ZFAND3: variants seen among roughly 807,000 people sequenced by gnomAD.
ZFAND3 encodes the protein AN1-type zinc finger protein 3.
A neutral mutation model predicts 29.6 loss-of-function variants in ZFAND3; 10 were observed. That is an observed-to-expected ratio of 0.34 (90% confidence interval 0.21 to 0.57). ZFAND3 has a LOEUF of 0.57. Among genes scored for constraint, ZFAND3 ranks in the 20% least tolerant of loss-of-function variants. The probability of loss-of-function intolerance (pLI) is 0.86; values close to 1 mark genes in which losing one functional copy is unlikely to be tolerated. For missense variants in ZFAND3, 230 were observed against 304.5 expected (o/e 0.76, Z 1.82); for synonymous variants, 128 against 112.6 (o/e 1.14, Z -0.87).
At chr6:37,829,791 G>T (rs149431331) in intron 1 of ZFAND3, among the ~76,000 whole-genome samples, 60 of 152,298 alleles carry the variant, frequency 3.9e-4, no homozygotes, top group African/African-American at 1.4e-3. Context: ...TAAGGCTGAT[G>T]ATCTTCTTCA....
At chr6:37,921,895 A>AC (rs1361353284) in intron 1 of ZFAND3, among the ~76,000 whole-genome samples, 1 of 150,952 alleles carries the variant, frequency 6.6e-6, no homozygotes, top group Non-Finnish European at 1.5e-5. Context: ...AAAAAAAAAA[A>AC]AAACAAACCC....
intron 2 of ZFAND3, among the ~76,000 whole-genome samples, chr6:37,940,531 A>C (rs1398915624): frequency 2.0e-5 from 3 of 152,236 alleles, no homozygotes; most frequent in African/African-American, 7.2e-5. Context: ...CTGTATGTTA[A>C]CAGTCTTAAC....
chr6:37,825,822 C>T (rs1296496890), intron 1 of ZFAND3, among the ~76,000 whole-genome samples: 1 of 152,024 alleles, frequency 6.6e-6, no homozygotes. Context: ...GAATAAAGTC[C>T]TTAAAAAGAA....
chr6:38,062,843 T>G (rs181786968), intron 3 of ZFAND3, among the ~76,000 whole-genome samples: 14 of 152,250 alleles, frequency 9.2e-5, no homozygotes, highest in Admixed American at 2.6e-4. Context: ...TTAAAAGCTC[T>G]ACTTGGCCAA....
chr6:37,970,900 G>A (rs774171697), intron 2 of ZFAND3, among the ~76,000 whole-genome samples: 6 of 150,760 alleles, frequency 4.0e-5, no homozygotes, highest in Admixed American at 6.6e-5. Flanking sequence ...GCGAGACTCC[G>A]TCTCAAAACA....
intron 2 of ZFAND3, among the ~76,000 whole-genome samples, chr6:38,048,726 T>G (rs72852536): frequency 0.066 from 9,963 of 151,958 alleles, 409 homozygotes; most frequent in Non-Finnish European, 0.094. Flanking sequence ...TTGAGGAAAC[T>G]GAAATAAAAG....
At chr6:37,902,736 A>AAT (rs1765342574) in intron 1 of ZFAND3, among the ~76,000 whole-genome samples, 2 of 64,876 alleles carry the variant, frequency 3.1e-5, no homozygotes, top group South Asian at 9.3e-4. Context: ...TCTTTTACTT[A>AAT]CTTTTTTTTT....
chr6:37,957,464 T>C (rs543669221), intron 2 of ZFAND3, among the ~76,000 whole-genome samples: 2 of 152,254 alleles, frequency 1.3e-5, no homozygotes, highest in African/African-American at 4.8e-5. Flanking sequence ...TCAAAATAAA[T>C]TAGTGAGGCA....
intron 1 of ZFAND3, among the ~76,000 whole-genome samples, chr6:37,860,247 A>G (rs1429814108): frequency 7.3e-6 from 1 of 137,878 alleles, no homozygotes; most frequent in Non-Finnish European, 1.5e-5. Context: ...TGGCAGTTTT[A>G]TGGAGTACTT....
chr6:37,982,836 T>C (rs1163448982), intron 2 of ZFAND3, among the ~76,000 whole-genome samples: 2 of 152,242 alleles, frequency 1.3e-5, no homozygotes, highest in Non-Finnish European at 2.9e-5. Context: ...ATGATAGCTC[T>C]ATACCTGTTA....
intron 2 of ZFAND3, among the ~76,000 whole-genome samples, chr6:38,020,980 C>T (rs1355496980): frequency 1.3e-5 from 2 of 152,104 alleles, no homozygotes; most frequent in African/African-American, 4.8e-5. Flanking sequence ...TCAGCTGGGT[C>T]AAATTTATTA....
chr6:38,004,242 T>C (rs147176365), intron 2 of ZFAND3, among the ~76,000 whole-genome samples: 2 of 152,124 alleles, frequency 1.3e-5, no homozygotes, highest in African/African-American at 2.4e-5. Context: ...TGTCAAAAAC[T>C]CTTGTGTATT....
intron 2 of ZFAND3, among the ~76,000 whole-genome samples, chr6:38,036,408 T>C (rs1026646043): frequency 1.3e-5 from 2 of 152,098 alleles, no homozygotes; most frequent in African/African-American, 4.8e-5. Flanking sequence ...GAGAGGAGGA[T>C]AGAGGGTACA....
chr6:37,895,867 T>A lies in ZFAND3; in HGVS notation c.72-34092T>A, dbSNP rs752946228. On this transcript the variant is annotated intron_variant, in intron 1 of 5. Coordinates refer to ENST00000287218, the MANE Select transcript of ZFAND3 (RefSeq NM_021943.3). ...TAGGCTGTGGTGTACCAAATCAACA[T>A]TTAATCTAGGGTTCATTTACTCCAC... 6.9e-4 allele frequency among the ~76,000 whole-genome samples: 105 copies of A among 152,328 alleles called. 1 individual carries two copies. The highest frequency in any genetic ancestry group is 2.5e-3 in the Admixed American group (38 of 15,300).
At chr6:38,012,074 A>C (rs974608679) in intron 2 of ZFAND3, among the ~76,000 whole-genome samples, 2 of 152,168 alleles carry the variant, frequency 1.3e-5, no homozygotes, top group African/African-American at 4.8e-5. Flanking sequence ...ACACTGCGTC[A>C]GTTATGTTAA....
chr6:37,838,190 G>A (rs1764004023), intron 1 of ZFAND3, among the ~76,000 whole-genome samples: 1 of 152,084 alleles, frequency 6.6e-6, no homozygotes, highest in Admixed American at 6.6e-5. Context: ...CTGAAGCTTT[G>A]GGATTATCAT....
intron 2 of ZFAND3, among the ~76,000 whole-genome samples, chr6:37,957,145 G>T (rs1398481337): frequency 6.6e-6 from 1 of 152,186 alleles, no homozygotes; most frequent in Non-Finnish European, 1.5e-5. Context: ...CAGTCTTTTA[G>T]TCTTTCTGTC....
intron 3 of ZFAND3, among the ~76,000 whole-genome samples, chr6:38,067,709 G>C (rs1764374362): frequency 6.6e-6 from 1 of 152,190 alleles, no homozygotes; most frequent in Admixed American, 6.5e-5. Context: ...GTTGTAGTTA[G>C]AACGCTGGAA....
intron 4 of ZFAND3, among the ~76,000 whole-genome samples, chr6:38,106,272 C>T (rs1218705601): frequency 6.6e-6 from 1 of 152,058 alleles, no homozygotes; most frequent in Non-Finnish European, 1.5e-5. Flanking sequence ...CCTGCCTCAG[C>T]CTCCCAAGTA....
Sources: gnomAD v4.1 joint callset for allele counts (sites outside exome capture counted in the v4.1 genomes callset) on GRCh38, gnomAD v4.1.1 for gene constraint, MANE v1.5 for transcripts, NCBI Gene and HGNC (gene_info 2026-07-23, HGNC 2026-07-21) for gene names.